SIPA1L2: variants seen among roughly 807,000 people sequenced by gnomAD.
SIPA1L2 encodes the protein signal induced proliferation associated 1 like 2, also known as signal-induced proliferation-associated 1-like protein 2.
Under a neutral mutation model 163.9 loss-of-function variants are expected in SIPA1L2, and 56 were observed. That is an observed-to-expected ratio of 0.34 (90% CI 0.28 to 0.43). The LOEUF (loss-of-function observed/expected upper bound fraction) is 0.43, where lower values mean the gene tolerates loss of function less well. SIPA1L2 is among the 20% of genes least tolerant of loss of function. The pLI is 1.00. For missense variants in SIPA1L2, 1,974 were observed against 2,193.5 expected (o/e 0.90, Z 2.00); for synonymous variants, 877 against 865.7 (o/e 1.01, Z -0.23).
Position 232,471,484 on chromosome 1 carries a change from G to A in SIPA1L2, c.2130C>T (p.Val710=). The change falls in exon 8 of 23, where the codon GTC becomes GTT. Residue 710 remains valine, a synonymous_variant. Coordinates refer to ENST00000674635, the MANE Select transcript of SIPA1L2 (RefSeq NM_020808.5). ...RHIGNDIVTI[V]FQEPGALPFT... is the part of the protein sequence containing the mutation. The stretch of plus-strand genomic sequence containing the variant: ...AAGGAAGTGCCCCAGGCTCCTGGAA[G>A]ACGATGGTGACGATGTCATTTCCTA... The A allele has an allele frequency of 6.2e-7, 1 of 1,614,032 alleles. No individual in the cohort carries two copies. The highest frequency in any genetic ancestry group is 1.1e-5 in the South Asian group (1 of 91,076).
chr1:232,545,877 T>C (rs1247230386), intron 2 of SIPA1L2, among the ~76,000 whole-genome samples: 5 of 152,260 alleles, frequency 3.3e-5, no homozygotes. Flanking sequence ...AAATAAGTTA[T>C]AGCTTCCTTT....
intron 19 of SIPA1L2, among the ~76,000 whole-genome samples, chr1:232,412,628 G>A (rs1364551625): frequency 2.6e-5 from 4 of 152,102 alleles, no homozygotes; most frequent in African/African-American, 9.7e-5. Context: ...TGCAACTCAC[G>A]AGACAGGGGA....
At chr1:232,441,519 G>A in intron 13 of SIPA1L2, 125 bp from the exon 14 acceptor site, 1 of 870,604 alleles carries the variant, frequency 1.1e-6, no homozygotes, top group South Asian at 1.4e-5. Flanking sequence ...GGACTTTCTG[G>A]TCTTACCAAT....
rs560459230 is a variant in SIPA1L2 at position 232,551,984 on chromosome 1, C to T, written c.-270+22190G>A. On this transcript the variant is annotated intron_variant, in intron 2 of 22. Transcript: ENST00000674635. ...CCTCCTAAGTAGCTGAGATTACAGG[C>T]GCCCGCCCCCACGCCTGGCTAATTT... is the stretch of plus-strand genomic sequence containing the variant. 2.6e-5 allele frequency among the ~76,000 whole-genome samples: 4 copies of T among 152,218 alleles called. No homozygotes were observed. The South Asian group carries it at 6.2e-4, about 24-fold the overall frequency.
chr1:232,404,008 C>A, intron 20 of SIPA1L2, 117 bp downstream of exon 20: 2 of 1,129,982 alleles, frequency 1.8e-6, no homozygotes, highest in Non-Finnish European at 2.6e-6. Context: ...GGACACATGT[C>A]CCGCTGTGCA....
chr1:232,400,163 G>T (rs1053071138), intron 22 of SIPA1L2, among the ~76,000 whole-genome samples: 6 of 152,126 alleles, frequency 3.9e-5, no homozygotes, highest in Non-Finnish European at 7.3e-5. Context: ...TCACTTTGCT[G>T]TAAGGAGCAA....
At chr1:232,556,255 G>A (rs978765183) in intron 2 of SIPA1L2, among the ~76,000 whole-genome samples, 2 of 152,180 alleles carry the variant, frequency 1.3e-5, no homozygotes, top group African/African-American at 4.8e-5. Context: ...GGCAGCCCCT[G>A]CCCCTCAAAT....
At chr1:232,606,487 T>TA (rs1254201425) in intron 1 of SIPA1L2, among the ~76,000 whole-genome samples, 1 of 152,104 alleles carries the variant, frequency 6.6e-6, no homozygotes, top group Non-Finnish European at 1.5e-5. Context: ...TGCCAAAATC[T>TA]CTAACTTAAT....
At chr1:232,491,764 T>C (rs1396418363) in intron 4 of SIPA1L2, among the ~76,000 whole-genome samples, 1 of 151,928 alleles carries the variant, frequency 6.6e-6, no homozygotes, top group Non-Finnish European at 1.5e-5. Context: ...CTGGTAAGAG[T>C]CCTTAGACTA....
intron 22 of SIPA1L2, among the ~76,000 whole-genome samples, chr1:232,400,628 T>C (rs1660282863): frequency 6.6e-6 from 1 of 152,174 alleles, no homozygotes; most frequent in Admixed American, 6.5e-5. Flanking sequence ...TTATCTACTG[T>C]ATCCCCAGTT....
At chr1:232,588,701 T>G (rs577349116) in intron 1 of SIPA1L2, among the ~76,000 whole-genome samples, 2 of 152,198 alleles carry the variant, frequency 1.3e-5, no homozygotes, top group Non-Finnish European at 2.9e-5. Flanking sequence ...AGGTTTTCTT[T>G]GGTTGGATGG....
At chr1:232,597,793 C>T (rs1320337505) in intron 1 of SIPA1L2, among the ~76,000 whole-genome samples, 1 of 151,602 alleles carries the variant, frequency 6.6e-6, no homozygotes, top group Non-Finnish European at 1.5e-5. Context: ...TGATCTTGGC[C>T]CTGTAGTGAC....
intron 5 of SIPA1L2, among the ~76,000 whole-genome samples, chr1:232,487,919 T>TACACACACACACAC (rs5781699): frequency 6.9e-5 from 10 of 144,300 alleles, no homozygotes; most frequent in African/African-American, 2.3e-4. Context: ...GTAATTAGGT[T>TACACACACACACAC]ACACACACAC....
intron 2 of SIPA1L2, among the ~76,000 whole-genome samples, chr1:232,540,932 C>T (rs1657619576): frequency 6.6e-6 from 1 of 152,128 alleles, no homozygotes. Context: ...GGAAGAAGAT[C>T]ATGTCTTTTG....
chr1:232,538,313 G>A (rs1448659262), intron 2 of SIPA1L2, among the ~76,000 whole-genome samples: 1 of 152,104 alleles, frequency 6.6e-6, no homozygotes, highest in Non-Finnish European at 1.5e-5. Context: ...GGGCAGATGA[G>A]GAAGGTCTCC....
intron 10 of SIPA1L2, among the ~76,000 whole-genome samples, chr1:232,454,031 C>A (rs1663744174): frequency 6.6e-6 from 1 of 152,046 alleles, no homozygotes; most frequent in Admixed American, 6.6e-5. Context: ...GTAATTGATG[C>A]TCATTCGCTT....
At chr1:232,625,442 C>T (rs1324097439) in intron 1 of SIPA1L2, among the ~76,000 whole-genome samples, 7 of 152,092 alleles carry the variant, frequency 4.6e-5, no homozygotes, top group Non-Finnish European at 5.9e-5. Flanking sequence ...AAAACCACAG[C>T]GCAATAAATG....
chr1:232,470,823 A>G (rs1452137961), intron 8 of SIPA1L2, among the ~76,000 whole-genome samples: 2 of 152,190 alleles, frequency 1.3e-5, no homozygotes, highest in African/African-American at 2.4e-5. Context: ...TGTTTTACCA[A>G]TACCCCACAT....
chr1:232,607,757 T>A (rs1445138969), intron 1 of SIPA1L2, among the ~76,000 whole-genome samples: 1 of 148,630 alleles, frequency 6.7e-6, no homozygotes, highest in East Asian at 2.4e-4. Flanking sequence ...TTCACCTCTT[T>A]TTTAAAAAAA....
Sources: allele counts gnomAD v4.1 joint callset (sites outside exome capture counted in the v4.1 genomes callset), GRCh38; gene constraint gnomAD v4.1.1; transcripts MANE v1.5; gene names NCBI Gene and HGNC (gene_info 2026-07-23, HGNC 2026-07-21).